IL1R1: variants seen among roughly 807,000 people sequenced by gnomAD.
The protein encoded by IL1R1 is interleukin-1 receptor type 1.
A neutral mutation model predicts 50.2 loss-of-function variants in IL1R1; 22 were observed. The observed-to-expected ratio is 0.44, with a 90% CI of 0.31 to 0.63. IL1R1 has a LOEUF of 0.63. Ranked by LOEUF, IL1R1 falls within the 20% of genes least tolerant of loss-of-function variation. IL1R1 has a pLI of 0.07. For missense variants in IL1R1, 509 were observed against 676.2 expected, an observed-to-expected ratio of 0.75 and a Z score of 2.74; for synonymous variants, 251 against 236.7, an observed-to-expected ratio of 1.06 and a Z score of -0.55.
At chr2:102,174,931 C>T (rs566990074) in intron 10 of IL1R1, among the ~76,000 whole-genome samples, 8 of 152,230 alleles carry the variant, frequency 5.3e-5, no homozygotes, top group Admixed American at 4.6e-4. Context: ...GTTCCTGCCT[C>T]AACATTCATA....
chr2:102,167,726 G>A (rs796816956), intron 6 of IL1R1, among the ~76,000 whole-genome samples: 3 of 152,178 alleles, frequency 2.0e-5, no homozygotes, highest in African/African-American at 7.2e-5. Flanking sequence ...GGGATTACAG[G>A]TGTGAGCCAC....
chr2:102,133,835 G>A (rs770932702), intron 1 of IL1R1, among the ~76,000 whole-genome samples: 1 of 151,426 alleles, frequency 6.6e-6, no homozygotes, highest in African/African-American at 2.4e-5. Flanking sequence ...CTAGGATCAG[G>A]AACAAGGCAA....
At chr2:102,108,394 C>G (rs1451923676) in intron 1 of IL1R1, among the ~76,000 whole-genome samples, 1 of 152,134 alleles carries the variant, frequency 6.6e-6, no homozygotes, top group African/African-American at 2.4e-5. Flanking sequence ...GGAAAACCAG[C>G]CATCCTCCTC....
chr2:102,135,583 G>T (rs1233016405), intron 1 of IL1R1, among the ~76,000 whole-genome samples: 1 of 152,170 alleles, frequency 6.6e-6, no homozygotes, highest in Non-Finnish European at 1.5e-5. Flanking sequence ...AATACAGAAC[G>T]AATGATCACC....
At chr2:102,171,085 A>T (rs755112802) in intron 7 of IL1R1, among the ~76,000 whole-genome samples, 1 of 152,196 alleles carries the variant, frequency 6.6e-6, no homozygotes, top group Non-Finnish European at 1.5e-5. Flanking sequence ...GAATTAAATA[A>T]TGGATAGAGG....
At chr2:102,164,706 T>C in intron 3 of IL1R1, 68 bp from the exon 4 acceptor site, 1 of 969,710 alleles carries the variant, frequency 1.0e-6, no homozygotes, top group Non-Finnish European at 1.6e-6. Flanking sequence ...TGTTTCTTCG[T>C]AGATATTAAA....
chr2:102,129,790 C>T (rs987109767), intron 1 of IL1R1, among the ~76,000 whole-genome samples: 3 of 152,146 alleles, frequency 2.0e-5, no homozygotes, highest in Admixed American at 6.5e-5. Flanking sequence ...GTAGAGCAGA[C>T]GTTCTTGAAC....
chr2:102,123,122 C>G (rs1382043776), intron 1 of IL1R1, among the ~76,000 whole-genome samples: 1 of 152,218 alleles, frequency 6.6e-6, no homozygotes, highest in East Asian at 1.9e-4. Context: ...TATACTCACT[C>G]TATTTCCTTA....
At chr2:102,136,878 T>C in intron 1 of IL1R1, among the ~76,000 whole-genome samples, 1 of 152,216 alleles carries the variant, frequency 6.6e-6, no homozygotes, top group Middle Eastern at 3.2e-3. Context: ...TCTTCACTCT[T>C]CCAAGTATCT....
chr2:102,081,260 G>A (rs2104288843), intron 1 of IL1R1, among the ~76,000 whole-genome samples: 1 of 152,290 alleles, frequency 6.6e-6, no homozygotes, highest in South Asian at 2.1e-4. Flanking sequence ...ATATATGAGA[G>A]TATCTATTTC....
At chr2:102,168,573 A>G (rs201015375) in intron 6 of IL1R1, 25 bp from the exon 7 acceptor site, 2 of 1,598,230 alleles carry the variant, frequency 1.3e-6, no homozygotes, top group South Asian at 1.1e-5. Context: ...GAGACTGACA[A>G]ACCTTATGGA....
At chr2:102,156,654 G>A (rs1197270284) in intron 2 of IL1R1, among the ~76,000 whole-genome samples, 2 of 151,958 alleles carry the variant, frequency 1.3e-5, no homozygotes, top group African/African-American at 2.4e-5. Flanking sequence ...TGGGATTACA[G>A]GCATGCACCA....
chr2:102,079,036 C>T (rs1262295150), intron 1 of IL1R1, among the ~76,000 whole-genome samples: 2 of 152,044 alleles, frequency 1.3e-5, no homozygotes, highest in African/African-American at 4.8e-5. Context: ...TAAAATCTGA[C>T]ACCCTTTCAA....
chr2:102,155,918 C>T (rs1328264825), intron 2 of IL1R1, among the ~76,000 whole-genome samples: 1 of 152,198 alleles, frequency 6.6e-6, no homozygotes, highest in South Asian at 2.1e-4. Context: ...ATTATTATCT[C>T]GTGATACACT....
At chr2:102,120,819 T>C (rs561263275) in intron 1 of IL1R1, among the ~76,000 whole-genome samples, 1 of 152,346 alleles carries the variant, frequency 6.6e-6, no homozygotes, top group South Asian at 2.1e-4. Flanking sequence ...ACACCTCAAG[T>C]ACCTGGAACA....
intron 1 of IL1R1, among the ~76,000 whole-genome samples, chr2:102,126,612 A>G (rs1215270046): frequency 1.3e-5 from 2 of 150,554 alleles, no homozygotes; most frequent in Non-Finnish European, 1.5e-5. Flanking sequence ...TTTTAAGGAT[A>G]GAGGACAATT....
At chr2:102,074,814 C>A (rs1239597657) in intron 1 of IL1R1, among the ~76,000 whole-genome samples, 1 of 152,136 alleles carries the variant, frequency 6.6e-6, no homozygotes, top group South Asian at 2.1e-4. Flanking sequence ...TGGTCTGCTC[C>A]AGATGGAGGA....
intron 9 of IL1R1, among the ~76,000 whole-genome samples, chr2:102,173,632 T>C (rs964961416): frequency 2.6e-5 from 4 of 152,212 alleles, no homozygotes; most frequent in African/African-American, 9.6e-5. Flanking sequence ...TGTTCATAGA[T>C]TGAAAGACTC....
intron 1 of IL1R1, among the ~76,000 whole-genome samples, chr2:102,078,600 A>ACACACAC (rs57113618): frequency 1.7e-4 from 25 of 146,564 alleles, no homozygotes; most frequent in Middle Eastern, 3.5e-3. Context: ...ACACACACAC[A>ACACACAC]AGAAAAAAAA....
Sources: allele counts gnomAD v4.1 joint callset (sites outside exome capture counted in the v4.1 genomes callset), GRCh38; gene constraint gnomAD v4.1.1; transcripts MANE v1.5; gene names NCBI Gene and HGNC (gene_info 2026-07-23, HGNC 2026-07-21).